The following SGCZ variants were observed in gnomAD, a reference collection of about 807,000 sequenced individuals.
SGCZ encodes zeta-sarcoglycan.
Under a neutral mutation model 41.3 loss-of-function variants are expected in SGCZ, and 40 were observed. That is an observed-to-expected ratio of 0.97 (90% CI 0.75 to 1.26). The LOEUF (loss-of-function observed/expected upper bound fraction) is 1.26. Ranked by LOEUF, SGCZ falls within the 50% of genes most tolerant of loss-of-function variation. The pLI, the probability that SGCZ is intolerant of heterozygous loss-of-function variation, is 0.00. For synonymous variants in SGCZ, 206 were observed against 137.5 expected, an observed-to-expected ratio of 1.50 and a Z score of -3.49; for missense variants, 552 against 369.8, an observed-to-expected ratio of 1.49 and a Z score of -4.04.
chr8:14,327,923 G>T (rs889076636), intron 2 of SGCZ, among the ~76,000 whole-genome samples: 1 of 152,238 alleles, frequency 6.6e-6, no homozygotes, highest in Middle Eastern at 3.4e-3. Flanking sequence ...AGGGACTACA[G>T]GTGTGCACTG....
intron 1 of SGCZ, among the ~76,000 whole-genome samples, chr8:14,992,253 C>T (rs1048123453): frequency 6.6e-6 from 1 of 151,130 alleles, no homozygotes; most frequent in African/African-American, 2.4e-5. Context: ...CAATGTTACC[C>T]TTGCTATTTA....
At chr8:14,522,251 GT>G (rs2117102940) in intron 2 of SGCZ, among the ~76,000 whole-genome samples, 1 of 152,022 alleles carries the variant, frequency 6.6e-6, no homozygotes, top group South Asian at 2.1e-4. Flanking sequence ...TCTTTGTCTG[GT>G]TTTGTTATCA....
intron 2 of SGCZ, among the ~76,000 whole-genome samples, chr8:14,456,203 G>A (rs761405229): frequency 1.3e-5 from 2 of 152,180 alleles, no homozygotes; most frequent in African/African-American, 2.4e-5. Context: ...GAGGTCAGGA[G>A]TTTGAGACCA....
chr8:14,875,365 A>T (rs2130711234), intron 1 of SGCZ, among the ~76,000 whole-genome samples: 1 of 152,282 alleles, frequency 6.6e-6, no homozygotes, highest in Admixed American at 6.5e-5. Context: ...TCTTAACACT[A>T]CTGTATTAAG....
intron 1 of SGCZ, among the ~76,000 whole-genome samples, chr8:14,838,901 G>T (rs1802801877): frequency 2.0e-5 from 3 of 152,130 alleles, no homozygotes; most frequent in African/African-American, 4.8e-5. Flanking sequence ...AACCAAAGTG[G>T]TTAGAAGTAG....
intron 1 of SGCZ, among the ~76,000 whole-genome samples, chr8:15,151,928 A>G (rs1220914556): frequency 6.6e-6 from 1 of 152,222 alleles, no homozygotes; most frequent in Admixed American, 6.5e-5. Flanking sequence ...AACCACATAC[A>G]CTAAGGGGAA....
In SGCZ at chr8:15,017,134, G is replaced by A. The variant is rs371824872; in HGVS notation, c.39+220451C>T. ...AAATCAGTTTATGGATTCAAGCCTA[G>A]ATTTGAGTTCTGGCTTTAAAACTTT... On this transcript the variant is annotated intron_variant, in intron 1 of 7. Coordinates refer to ENST00000382080, the MANE Select transcript of SGCZ (RefSeq NM_139167.4). 2.0e-5 allele frequency among the ~76,000 whole-genome samples: 3 copies of A among 152,140 alleles called. No homozygotes were observed. In the East Asian group the frequency reaches 5.8e-4, roughly 29 times the overall value.
chr8:14,753,420 C>G (rs565516243), intron 1 of SGCZ, among the ~76,000 whole-genome samples: 7 of 152,188 alleles, frequency 4.6e-5, no homozygotes, highest in Admixed American at 1.3e-4. Flanking sequence ...AACAATGGGA[C>G]TTACTGTGTA....
chr8:14,477,114 C>T (rs1012440426), intron 2 of SGCZ, among the ~76,000 whole-genome samples: 1 of 152,138 alleles, frequency 6.6e-6, no homozygotes, highest in Non-Finnish European at 1.5e-5. Context: ...CTTTCAAATT[C>T]ACTCTATGTG....
intron 1 of SGCZ, among the ~76,000 whole-genome samples, chr8:15,171,318 C>T (rs114511151): frequency 2.3e-3 from 355 of 152,256 alleles, no homozygotes; most frequent in African/African-American, 8.3e-3. Flanking sequence ...AGTTACTCAA[C>T]CCTAGAAAAA....
intron 1 of SGCZ, among the ~76,000 whole-genome samples, chr8:15,128,303 G>A (rs1360703429): frequency 6.6e-6 from 1 of 152,218 alleles, no homozygotes; most frequent in East Asian, 1.9e-4. Context: ...CCAAAACCAA[G>A]ACTCACCTTA....
Position 14,337,386 on chromosome 8 carries a change from G to C in SGCZ, c.235-13182C>G, listed in dbSNP as rs1050761721. ...CAGCAGGTATCAGCAAGACGAGGGAGAGAAGGGGTGAGATTATTTTCTGAG... is the reference window on the plus strand; with the variant it reads ...CAGCAGGTATCAGCAAGACGAGGGACAGAAGGGGTGAGATTATTTTCTGAG... On this transcript the variant is annotated intron_variant, in intron 2 of 7. Transcript: ENST00000382080. Among the ~76,000 whole-genome samples the C allele has an allele frequency of 7.9e-5, 12 of 152,244 alleles. No homozygotes were observed. In the East Asian group the frequency reaches 1.9e-3, roughly 25 times the overall value.
chr8:15,076,711 A>C (rs1241953711), intron 1 of SGCZ, among the ~76,000 whole-genome samples: 1 of 151,876 alleles, frequency 6.6e-6, no homozygotes, highest in African/African-American at 2.4e-5. Flanking sequence ...CTGTATCCTG[A>C]AAGTACTTGA....
At position 14,169,014 on chromosome 8, in the gene SGCZ, A is replaced by G. The variant is rs111891955; in HGVS notation, c.425-4312T>C. ...CACTAAGATTTAAGAAATGTTCCTA[A>G]TATGTTATACGTAATGCACTCTAGA... On this transcript the variant is annotated intron_variant, in intron 4 of 7. Transcript: ENST00000382080. 4.4e-3 allele frequency among the ~76,000 whole-genome samples: 668 copies of G among 152,274 alleles called. 1 individual carries two copies. The highest frequency in any genetic ancestry group is 0.015 in the African/African-American group (616 of 41,552).
chr8:14,804,467 G>T (rs1490005986), intron 1 of SGCZ, among the ~76,000 whole-genome samples: 1 of 130,860 alleles, frequency 7.6e-6, no homozygotes, highest in African/African-American at 2.7e-5. Flanking sequence ...TCAACTGGAA[G>T]AAAGGGTATC....
intron 1 of SGCZ, among the ~76,000 whole-genome samples, chr8:14,866,040 A>G (rs1428025549): frequency 2.0e-5 from 3 of 152,096 alleles, no homozygotes; most frequent in Non-Finnish European, 2.9e-5. Flanking sequence ...TTATAGAAGA[A>G]TGTTAATAAG....
At chr8:15,178,744 C>G (rs1800072175) in intron 1 of SGCZ, among the ~76,000 whole-genome samples, 1 of 152,062 alleles carries the variant, frequency 6.6e-6, no homozygotes, top group Non-Finnish European at 1.5e-5. Context: ...TATATAATAG[C>G]CCAAATCACA....
intron 1 of SGCZ, among the ~76,000 whole-genome samples, chr8:15,214,792 G>C (rs955510458): frequency 2.6e-5 from 4 of 152,030 alleles, no homozygotes; most frequent in African/African-American, 4.8e-5. Flanking sequence ...GCCGCTGATG[G>C]TGCAATTTTA....
chr8:14,756,371 G>C (rs753018949), intron 1 of SGCZ, among the ~76,000 whole-genome samples: 4 of 152,016 alleles, frequency 2.6e-5, no homozygotes, highest in Non-Finnish European at 5.9e-5. Flanking sequence ...TTTTAGTAGA[G>C]ATGGGGTTTC....
Sources: allele counts gnomAD v4.1 joint callset (sites outside exome capture counted in the v4.1 genomes callset), GRCh38; gene constraint gnomAD v4.1.1; transcripts MANE v1.5; gene names NCBI Gene and HGNC (gene_info 2026-07-23, HGNC 2026-07-21).